The following ADAMTSL1 variants were observed in gnomAD, a reference collection of about 807,000 sequenced individuals.
The protein encoded by ADAMTSL1 is ADAMTS-like protein 1.
ADAMTSL1 carries 126 observed loss-of-function variants against 201.8 expected under a neutral mutation model. That is an observed-to-expected ratio of 0.62 (90% CI 0.54 to 0.72). The LOEUF (loss-of-function observed/expected upper bound fraction) is 0.72, where lower values mean the gene tolerates loss of function less well. Among genes scored for constraint, ADAMTSL1 ranks in the 30% least tolerant of loss-of-function variants. ADAMTSL1 has a pLI of 0.00. For missense variants in ADAMTSL1, 2,679 were observed against 2,277.8 expected (o/e 1.18, Z -3.59); for synonymous variants, 1,121 against 903.4 (o/e 1.24, Z -4.32).
intron 2 of ADAMTSL1, among the ~76,000 whole-genome samples, chr9:18,409,612 T>C (rs75033240): frequency 0.094 from 14,258 of 151,114 alleles, 910 homozygotes; most frequent in Middle Eastern, 0.15. Flanking sequence ...TGTGATATTC[T>C]CAGTTTAAAC....
chr9:18,060,863 C>T (rs1207415264), intron 1 of ADAMTSL1, among the ~76,000 whole-genome samples: 1 of 152,126 alleles, frequency 6.6e-6, no homozygotes, highest in Non-Finnish European at 1.5e-5. Context: ...TTGGATTGTC[C>T]TTGCTTTACC....
chr9:17,925,900 C>G (rs71506850), intron 1 of ADAMTSL1, among the ~76,000 whole-genome samples: 14,996 of 151,766 alleles, frequency 0.099, 801 homozygotes, highest in South Asian at 0.19. Flanking sequence ...CAACCTGACA[C>G]TTGACGAAAT....
intron 1 of ADAMTSL1, among the ~76,000 whole-genome samples, chr9:17,950,844 A>G (rs752714056): frequency 2.6e-5 from 4 of 152,150 alleles, no homozygotes; most frequent in Non-Finnish European, 5.9e-5. Flanking sequence ...CAAACACTAT[A>G]ATAAATATTG....
chr9:18,232,227 G>A (rs1487115703), intron 2 of ADAMTSL1, among the ~76,000 whole-genome samples: 2 of 152,080 alleles, frequency 1.3e-5, no homozygotes, highest in African/African-American at 2.4e-5. Flanking sequence ...ATGCCTGCCT[G>A]GATCCTTTAT....
In ADAMTSL1 at chr9:18,747,829, C is replaced by T. The variant is rs534995480; in HGVS notation, c.2007-5469C>T. ...CCAGGCAGAGAGACAGGACCACAGT[C>T]TAGTAGGCTGGACTTTAGGCAGAAC... is the stretch of plus-strand genomic sequence containing the variant. On this transcript the variant is annotated intron_variant, in intron 15 of 28. Coordinates refer to ENST00000380548, the MANE Select transcript of ADAMTSL1 (RefSeq NM_001040272.6). 5.7e-4 allele frequency among the ~76,000 whole-genome samples: 87 copies of T among 152,242 alleles called. 1 individual carries two copies. The highest frequency in any genetic ancestry group is 2.0e-3 in the African/African-American group (81 of 41,528).
intron 1 of ADAMTSL1, among the ~76,000 whole-genome samples, chr9:18,158,697 G>C (rs1342591249): frequency 1.3e-5 from 2 of 151,816 alleles, no homozygotes; most frequent in Non-Finnish European, 2.9e-5. Context: ...TAAAATTTAG[G>C]TACAATTTCA....
chr9:18,667,614 A>G (rs1331412256), intron 9 of ADAMTSL1, among the ~76,000 whole-genome samples: 1 of 152,200 alleles, frequency 6.6e-6, no homozygotes, highest in Admixed American at 6.5e-5. Context: ...TAATACATTT[A>G]AAGAGCTTAG....
chr9:18,358,394 A>G (rs1836351582), intron 2 of ADAMTSL1, among the ~76,000 whole-genome samples: 1 of 152,126 alleles, frequency 6.6e-6, no homozygotes, highest in South Asian at 2.1e-4. Flanking sequence ...ATAACATAAA[A>G]CTCATTATTT....
At position 18,680,377 on chromosome 9, in the gene ADAMTSL1, T is replaced by C; in HGVS notation, c.1202T>C (p.Val401Ala). The change falls in exon 11 of 29, where the codon GTT (valine) becomes GCT (alanine). Residue 401 changes from valine to alanine, a missense_variant. Coordinates refer to ENST00000380548, the MANE Select transcript of ADAMTSL1 (RefSeq NM_001040272.6). ...SCGGGIQSRA[V>A]SCVEEDIQGH... The stretch of plus-strand genomic sequence containing the variant: ...GGGGGGGGCATCCAGAGCCGGGCAG[T>C]TTCCTGTGTGGAGGAGGACATCCAG... The C allele has an allele frequency of 6.2e-7, 1 of 1,614,158 alleles. No individual in the cohort carries two copies. The highest frequency in any genetic ancestry group is 8.5e-7 in the Non-Finnish European group (1 of 1,180,022).
At chr9:18,905,675 T>C in intron 26 of ADAMTSL1, 107 bp from the exon 27 acceptor site, 1 of 795,140 alleles carries the variant, frequency 1.3e-6, no homozygotes, top group Non-Finnish European at 2.1e-6. Flanking sequence ...TCTGAGAGCC[T>C]CCAACAAGAC....
Position 18,908,789 on chromosome 9 carries a change from G to A in ADAMTSL1, c.*241G>A. 2.4e-6 allele frequency: 1 copy of A among 425,426 alleles called. No homozygotes were observed. The highest frequency in any genetic ancestry group is 3.9e-5 in the Admixed American group (1 of 25,406). The allele number at this position is 425,426 out of a possible 1,614,324, so 26.4% of individuals were successfully genotyped here. A position where few individuals can be genotyped will look rare whatever the true frequency, so the allele number is the denominator to read the frequency against. On this transcript the variant is annotated 3_prime_UTR_variant, in exon 29 of 29. Transcript: ENST00000380548. Reference sequence around the variant, plus strand: ...GGACAGATGTCTAAAGGAGGTTGCAGAGCAGGCCAGGCAGACAGTGGGGGC... The same window carrying A: ...GGACAGATGTCTAAAGGAGGTTGCAAAGCAGGCCAGGCAGACAGTGGGGGC...
At chr9:18,907,337 A>C in intron 28 of ADAMTSL1, 1 of 179,282 alleles carries the variant, frequency 5.6e-6, no homozygotes. Flanking sequence ...CGCCCATCAC[A>C]CCTCTGCTTC....
intron 1 of ADAMTSL1, among the ~76,000 whole-genome samples, chr9:17,958,469 T>C (rs1828012181): frequency 6.6e-6 from 1 of 152,158 alleles, no homozygotes; most frequent in South Asian, 2.1e-4. Context: ...CAAGAAAAAT[T>C]TGTGGAGTGC....
intron 2 of ADAMTSL1, among the ~76,000 whole-genome samples, chr9:18,310,386 A>AAAAAAAAAAAAAC (rs1834092604): frequency 6.9e-6 from 1 of 145,094 alleles, no homozygotes; most frequent in South Asian, 2.3e-4. Flanking sequence ...AAAAAAAAAA[A>AAAAAAAAAAAAAC]AAAAAAAAAA....
intron 23 of ADAMTSL1, among the ~76,000 whole-genome samples, chr9:18,839,435 G>T (rs1286254610): frequency 6.6e-6 from 1 of 151,994 alleles, no homozygotes; most frequent in Non-Finnish European, 1.5e-5. Flanking sequence ...GTCTATCGTT[G>T]TTGGACATGT....
chr9:18,154,915 G>A (rs1253565554), intron 1 of ADAMTSL1, among the ~76,000 whole-genome samples: 1 of 151,986 alleles, frequency 6.6e-6, no homozygotes, highest in Non-Finnish European at 1.5e-5. Flanking sequence ...TTTAAATACT[G>A]ATATACATTT....
At chr9:18,020,021 T>G (rs184414244) in intron 1 of ADAMTSL1, among the ~76,000 whole-genome samples, 1 of 152,232 alleles carries the variant, frequency 6.6e-6, no homozygotes, top group East Asian at 1.9e-4. Context: ...GGTTATCCTG[T>G]GCCTTCTTCA....
chr9:18,329,327 A>C (rs540844799), intron 2 of ADAMTSL1, among the ~76,000 whole-genome samples: 1 of 152,168 alleles, frequency 6.6e-6, no homozygotes, highest in Admixed American at 6.6e-5. Flanking sequence ...TGTAATACAC[A>C]TTAGCCTAAA....
chr9:18,764,970 T>C (rs1204582492), intron 16 of ADAMTSL1, among the ~76,000 whole-genome samples: 1 of 152,138 alleles, frequency 6.6e-6, no homozygotes, highest in African/African-American at 2.4e-5. Context: ...CACTCTATAG[T>C]ACAATTTTAT....
Sources: gnomAD v4.1 joint callset for allele counts (sites outside exome capture counted in the v4.1 genomes callset) on GRCh38, gnomAD v4.1.1 for gene constraint, MANE v1.5 for transcripts, NCBI Gene and HGNC (gene_info 2026-07-23, HGNC 2026-07-21) for gene names.